The following FRMD4A variants were observed in gnomAD, a reference collection of about 807,000 sequenced individuals.
FRMD4A encodes FERM domain-containing protein 4A.
Under a neutral mutation model 129.1 loss-of-function variants are expected in FRMD4A, and 29 were observed. The ratio of observed to expected loss-of-function variants is 0.22; its 90% CI spans 0.17 to 0.31. The LOEUF is 0.31. FRMD4A is among the 10% of genes least tolerant of loss of function. FRMD4A has a pLI of 1.00. For synonymous variants in FRMD4A, 634 were observed against 571.6 expected, an observed-to-expected ratio of 1.11 and a Z score of -1.56; for missense variants, 1,272 against 1,375.8, an observed-to-expected ratio of 0.92 and a Z score of 1.19.
intron 6 of FRMD4A, among the ~76,000 whole-genome samples, chr10:13,764,537 T>C (rs372687269): frequency 2.8e-5 from 4 of 142,086 alleles, no homozygotes; most frequent in African/African-American, 1.1e-4. Context: ...AAACAAAACC[T>C]AACAACAACA....
rs891933464 is a variant in FRMD4A at position 13,963,484 on chromosome 10, T to C, written c.46-104572A>G. On this transcript the variant is annotated intron_variant, in intron 2 of 24. Coordinates refer to ENST00000357447, the MANE Select transcript of FRMD4A (RefSeq NM_018027.5). ...GTGGAAACGTTTGGTTGGGTCATGG[T>C]AGAATCCATCAGTCCAAGACTGGTT... 5.9e-5 allele frequency among the ~76,000 whole-genome samples: 9 copies of C among 152,264 alleles called. 1 individual carries two copies.
At chr10:13,798,835 T>C (rs2093184750) in intron 4 of FRMD4A, among the ~76,000 whole-genome samples, 1 of 152,250 alleles carries the variant, frequency 6.6e-6, no homozygotes, top group African/African-American at 2.4e-5. Context: ...ACAGAAGGCC[T>C]GGGTGCCAAT....
At chr10:13,791,402 G>GGC (rs2092996407) in intron 5 of FRMD4A, among the ~76,000 whole-genome samples, 1 of 149,922 alleles carries the variant, frequency 6.7e-6, no homozygotes, top group Non-Finnish European at 1.5e-5. Context: ...AGAAATAAAA[G>GGC]GTGTGTGTGT....
chr10:13,838,252 A>ATTT (rs905362746), intron 3 of FRMD4A, among the ~76,000 whole-genome samples: 153 of 125,996 alleles, frequency 1.2e-3, no homozygotes, highest in African/African-American at 4.4e-3. Context: ...TGCAGAGCTA[A>ATTT]TTTTTTTTTT....
At chr10:14,324,114 G>C (rs999794217) in intron 2 of FRMD4A, among the ~76,000 whole-genome samples, 1 of 152,164 alleles carries the variant, frequency 6.6e-6, no homozygotes, top group Admixed American at 6.5e-5. Flanking sequence ...GTTTGAGTTA[G>C]TCTCTGTCGA....
At chr10:14,281,382 T>C (rs866688985) in intron 2 of FRMD4A, among the ~76,000 whole-genome samples, 1 of 152,188 alleles carries the variant, frequency 6.6e-6, no homozygotes, top group African/African-American at 2.4e-5. Context: ...ATCAATTGGG[T>C]TGGTGCAAAA....
In FRMD4A at chr10:13,646,084, G is replaced by C. The variant is rs2081099347; in HGVS notation, c.*954C>G. On this transcript the variant is annotated 3_prime_UTR_variant, in exon 25 of 25. Coordinates refer to ENST00000357447, the MANE Select transcript of FRMD4A (RefSeq NM_018027.5). Reference sequence around the variant, plus strand: ...ACAGGTCTCTCTTTGTGTCCAGATGGATGGCGACTGTGAGTCAGCAACGCC... The same window carrying C: ...ACAGGTCTCTCTTTGTGTCCAGATGCATGGCGACTGTGAGTCAGCAACGCC... 1 of 152,498 alleles carries C rather than the reference G, an allele frequency of 6.6e-6. No homozygotes were observed. Among genetic ancestry groups the C allele is most frequent in the Admixed American group, 6.5e-5 (1 of 15,280 alleles). 9.4% of individuals were successfully genotyped at this position (152,498 alleles called of 1,614,324 possible).
intron 15 of FRMD4A, among the ~76,000 whole-genome samples, chr10:13,681,891 T>C (rs921925499): frequency 6.6e-6 from 1 of 152,118 alleles, no homozygotes; most frequent in African/African-American, 2.4e-5. Flanking sequence ...GGTGAGAATA[T>C]ATTAAGTGTT....
intron 2 of FRMD4A, among the ~76,000 whole-genome samples, chr10:14,042,942 A>G (rs998453024): frequency 1.3e-5 from 2 of 151,412 alleles, no homozygotes; most frequent in African/African-American, 4.8e-5. Flanking sequence ...AAAAAAAAAA[A>G]AAAAAAAGAA....
At chr10:14,234,567 C>T (rs939501910) in intron 2 of FRMD4A, among the ~76,000 whole-genome samples, 2 of 152,132 alleles carry the variant, frequency 1.3e-5, no homozygotes, top group South Asian at 2.1e-4. Flanking sequence ...GGCTGGAATT[C>T]GGCATTCTGA....
intron 9 of FRMD4A, among the ~76,000 whole-genome samples, chr10:13,744,248 C>A (rs1237845870): frequency 6.6e-6 from 1 of 152,102 alleles, no homozygotes; most frequent in African/African-American, 2.4e-5. Flanking sequence ...CCAGCATTTA[C>A]AAACTAGGCC....
chr10:13,684,679 C>G (rs1048867453), intron 15 of FRMD4A: 1 of 985,222 alleles, frequency 1.0e-6, no homozygotes, highest in African/African-American at 1.7e-5. Flanking sequence ...TCAGGAGCCA[C>G]GCGTGGCTCA....
chr10:14,296,538 A>G (rs1057191150), intron 2 of FRMD4A, among the ~76,000 whole-genome samples: 1 of 152,314 alleles, frequency 6.6e-6, no homozygotes, highest in Non-Finnish European at 1.5e-5. Context: ...CAGTGTCTGC[A>G]ACACTCAGAT....
At position 13,850,673 on chromosome 10, in the gene FRMD4A, C is replaced by T. The variant is rs569372987; in HGVS notation, c.111+8174G>A. 3.3e-5 allele frequency among the ~76,000 whole-genome samples: 5 copies of T among 152,268 alleles called. No homozygotes were observed. In the East Asian group the frequency reaches 9.6e-4, roughly 29 times the overall value. The stretch of plus-strand genomic sequence containing the variant: ...CTGGTGTCAGGGGCTGGCAGAGGAG[C>T]ATATTCCAGGTGAACTATTAATAGA... On this transcript the variant is annotated intron_variant, in intron 3 of 24. Transcript: ENST00000357447.
chr10:14,296,184 A>G (rs1355679987), intron 2 of FRMD4A, among the ~76,000 whole-genome samples: 1 of 152,164 alleles, frequency 6.6e-6, no homozygotes, highest in Non-Finnish European at 1.5e-5. Flanking sequence ...TAAGCCCTTT[A>G]TCGGGTGAGA....
intron 6 of FRMD4A, among the ~76,000 whole-genome samples, chr10:13,777,061 G>A (rs575175769): frequency 6.6e-6 from 1 of 152,242 alleles, no homozygotes; most frequent in Non-Finnish European, 1.5e-5. Context: ...GGGAAGCTTG[G>A]AGACGTTACA....
rs781426735 is a variant in FRMD4A, at chr10:13,660,522, G to A, written c.1692C>T (p.Pro564=). ...GGAGTCCCTTGTGAGGAGAATGTAG[G>A]GGGGATATTGTGCTGGTAACCTGAG... The part of the protein sequence containing the change: ...EDSQVTSTIS[P]LHSPHKGLPP... The change falls in exon 20 of 25, where the codon CCC becomes CCT. Residue 564 remains proline (P), a synonymous_variant. Coordinates refer to ENST00000357447, the MANE Select transcript of FRMD4A (RefSeq NM_018027.5). 3.1e-6 allele frequency: 5 copies of A among 1,612,484 alleles called. No homozygotes were observed. Among genetic ancestry groups the A allele is most frequent in the Non-Finnish European group, 3.4e-6 (4 of 1,178,794 alleles).
intron 2 of FRMD4A, among the ~76,000 whole-genome samples, chr10:13,863,561 C>G (rs10752331): frequency 0.94 from 142,690 of 152,240 alleles, 66,897 homozygotes; most frequent in East Asian, 0.98. Flanking sequence ...CTGTATTCTA[C>G]CCTGGGTGAC....
chr10:13,769,726 C>G (rs1564771648), intron 6 of FRMD4A, among the ~76,000 whole-genome samples: 1 of 152,242 alleles, frequency 6.6e-6, no homozygotes, highest in Non-Finnish European at 1.5e-5. Flanking sequence ...GTGGACATCA[C>G]ACAATCCTGG....
Sources: allele counts gnomAD v4.1 joint callset (sites outside exome capture counted in the v4.1 genomes callset), GRCh38; gene constraint gnomAD v4.1.1; transcripts MANE v1.5; gene names NCBI Gene and HGNC (gene_info 2026-07-23, HGNC 2026-07-21).